ZFPM2: variants seen among roughly 807,000 people sequenced by gnomAD.
ZFPM2 encodes the protein zinc finger protein ZFPM2.
Under a neutral mutation model 98.6 loss-of-function variants are expected in ZFPM2, and 20 were observed. The observed-to-expected ratio is 0.20, with a 90% confidence interval of 0.14 to 0.29. ZFPM2 has a LOEUF of 0.29. Among genes scored for constraint, ZFPM2 ranks in the 10% least tolerant of loss-of-function variants. The pLI, the probability that ZFPM2 is intolerant of heterozygous loss-of-function variation, is 1.00. For synonymous variants in ZFPM2, 518 were observed against 502.7 expected (o/e 1.03, Z -0.41); for missense variants, 1,310 against 1,388.6 (o/e 0.94, Z 0.90).
intron 5 of ZFPM2, among the ~76,000 whole-genome samples, chr8:105,726,289 A>G (rs889589389): frequency 2.6e-5 from 4 of 151,716 alleles, no homozygotes; most frequent in Admixed American, 1.3e-4. Flanking sequence ...TTGACTTCTA[A>G]GTTGTATAAC....
At chr8:105,366,669 C>T (rs13251332) in intron 1 of ZFPM2, among the ~76,000 whole-genome samples, 3,786 of 114,982 alleles carry the variant, frequency 0.033, 142 homozygotes, top group African/African-American at 0.11. Context: ...TCCCTCCCCC[C>T]TCCCCCCACC....
chr8:105,590,072 C>T (rs1815809792), intron 4 of ZFPM2, among the ~76,000 whole-genome samples: 1 of 152,116 alleles, frequency 6.6e-6, no homozygotes, highest in African/African-American at 2.4e-5. Flanking sequence ...TGCTATCTTC[C>T]CCTTTCTTTT....
At chr8:105,593,079 A>G (rs118138829) in intron 4 of ZFPM2, among the ~76,000 whole-genome samples, 29 of 152,280 alleles carry the variant, frequency 1.9e-4, no homozygotes, top group Non-Finnish European at 3.5e-4. Flanking sequence ...AGCAAAAGAA[A>G]GATAAGAGCT....
chr8:105,510,416 T>G (rs1586426115), intron 3 of ZFPM2, among the ~76,000 whole-genome samples: 1 of 148,838 alleles, frequency 6.7e-6, no homozygotes, highest in African/African-American at 2.5e-5. Context: ...TTTTTTTGTT[T>G]GTTTGTTTGT....
chr8:105,328,971 ATATAT>A (rs1359117784), intron 1 of ZFPM2, among the ~76,000 whole-genome samples: 1 of 151,840 alleles, frequency 6.6e-6, no homozygotes, highest in Non-Finnish European at 1.5e-5. Flanking sequence ...TCATTTGCAA[ATATAT>A]TAGGTAGCTG....
intron 3 of ZFPM2, among the ~76,000 whole-genome samples, chr8:105,465,556 TTTATA>T (rs1200511445): frequency 6.6e-6 from 1 of 151,950 alleles, no homozygotes; most frequent in Non-Finnish European, 1.5e-5. Context: ...ACTTGTAGAC[TTTATA>T]TTATTCATTA....
In ZFPM2 at chr8:105,441,461, A is replaced by AGGAAGGAAGGAAGGAAG. The variant is rs1563659944; in HGVS notation, c.200-2818_200-2817insGAAGGAAGGAAGGAAGG. Among the ~76,000 whole-genome samples, 24 of 108,208 alleles carry AGGAAGGAAGGAAGGAAG rather than the reference A, an allele frequency of 2.2e-4. 2 individuals are homozygous for AGGAAGGAAGGAAGGAAG. Among genetic ancestry groups the AGGAAGGAAGGAAGGAAG allele is most frequent in the Admixed American group, 8.0e-4 (8 of 9,944 alleles). The allele number at this position is 108,208 out of a possible 152,430, so 71.0% of individuals were successfully genotyped here. Reference sequence around the variant, plus strand: ...GAGAGAGAGAGAGAGAGAGAAAGAAAGAAAGAAAGAAAGAAAGAAAGAAAG... The same window carrying AGGAAGGAAGGAAGGAAG: ...GAGAGAGAGAGAGAGAGAGAAAGAAAGGAAGGAAGGAAGGAAGGAAAGAAAGAAAGAAAGAAAGAAAG... On this transcript the variant is annotated intron_variant, in intron 2 of 7. Coordinates refer to ENST00000407775, the MANE Select transcript of ZFPM2 (RefSeq NM_012082.4).
intron 3 of ZFPM2, among the ~76,000 whole-genome samples, chr8:105,472,967 C>T (rs1259926413): frequency 6.8e-6 from 1 of 147,862 alleles, no homozygotes; most frequent in Non-Finnish European, 1.5e-5. Flanking sequence ...TAGATCATAG[C>T]TCACTACAGC....
At chr8:105,772,370 T>C (rs1318976236) in intron 5 of ZFPM2, among the ~76,000 whole-genome samples, 1 of 152,114 alleles carries the variant, frequency 6.6e-6, no homozygotes, top group Non-Finnish European at 1.5e-5. Context: ...CTTACACTCT[T>C]TGTCATTAGA....
chr8:105,386,864 G>T (rs565990332), intron 1 of ZFPM2, among the ~76,000 whole-genome samples: 2 of 151,974 alleles, frequency 1.3e-5, no homozygotes, highest in Non-Finnish European at 2.9e-5. Context: ...AGTTCTCCAC[G>T]TACCCACTAG....
At chr8:105,388,609 TC>T (rs1336645884) in intron 1 of ZFPM2, among the ~76,000 whole-genome samples, 1 of 152,174 alleles carries the variant, frequency 6.6e-6, no homozygotes, top group Non-Finnish European at 1.5e-5. Flanking sequence ...TGAGGAATTC[TC>T]GGCATTGGGA....
At chr8:105,619,777 C>T (rs1037157516) in intron 4 of ZFPM2, among the ~76,000 whole-genome samples, 74 of 150,682 alleles carry the variant, frequency 4.9e-4, no homozygotes, top group African/African-American at 1.6e-3. Context: ...TGAGAACATG[C>T]GGTGTTTGGT....
chr8:105,644,019 C>A (rs142471157), intron 5 of ZFPM2, among the ~76,000 whole-genome samples: 74 of 152,292 alleles, frequency 4.9e-4, no homozygotes, highest in African/African-American at 1.7e-3. Context: ...GGAACAGAGA[C>A]AATCTAGTTT....
At chr8:105,560,887 A>T (rs1815120342) in intron 3 of ZFPM2, among the ~76,000 whole-genome samples, 1 of 152,186 alleles carries the variant, frequency 6.6e-6, no homozygotes, top group East Asian at 1.9e-4. Context: ...CTTGCTATAT[A>T]TTGTACATGT....
intron 4 of ZFPM2, among the ~76,000 whole-genome samples, chr8:105,613,743 G>GA (rs1586150468): frequency 1.3e-5 from 2 of 152,224 alleles, no homozygotes; most frequent in South Asian, 4.1e-4. Context: ...AGAATGAGGA[G>GA]AACTTGGCCA....
chr8:105,480,695 A>G (rs1369977141), intron 3 of ZFPM2, among the ~76,000 whole-genome samples: 3 of 152,078 alleles, frequency 2.0e-5, no homozygotes, highest in African/African-American at 7.3e-5. Context: ...ATTTTAAGTT[A>G]TAACTGCAGG....
chr8:105,474,926 C>T (rs1043418884), intron 3 of ZFPM2, among the ~76,000 whole-genome samples: 1 of 152,164 alleles, frequency 6.6e-6, no homozygotes, highest in Non-Finnish European at 1.5e-5. Flanking sequence ...ACTTTCTGAG[C>T]CTTAGGGCTT....
At chr8:105,724,264 T>C (rs1404246954) in intron 5 of ZFPM2, among the ~76,000 whole-genome samples, 1 of 151,896 alleles carries the variant, frequency 6.6e-6, no homozygotes, top group Non-Finnish European at 1.5e-5. Flanking sequence ...TGAATTTCCT[T>C]TTCTTTTTTA....
chr8:105,531,901 C>A (rs1278509704), intron 3 of ZFPM2, among the ~76,000 whole-genome samples: 2 of 151,966 alleles, frequency 1.3e-5, no homozygotes, highest in African/African-American at 4.8e-5. Context: ...GTTGATATTT[C>A]TTTTCTTTTC....
Sources: gnomAD v4.1 joint callset for allele counts (sites outside exome capture counted in the v4.1 genomes callset) on GRCh38, gnomAD v4.1.1 for gene constraint, MANE v1.5 for transcripts, NCBI Gene and HGNC (gene_info 2026-07-23, HGNC 2026-07-21) for gene names.